The following SLF2 variants were observed in gnomAD, a reference collection of about 807,000 sequenced individuals.
The protein encoded by SLF2 is SMC5/6 complex localization factor 2.
Under a neutral mutation model 124.3 loss-of-function variants are expected in SLF2, and 68 were observed. The observed-to-expected ratio is 0.55, with a 90% confidence interval of 0.45 to 0.67. The LOEUF (loss-of-function observed/expected upper bound fraction) is 0.67, where lower values mean the gene tolerates loss of function less well. Ranked by LOEUF, SLF2 falls within the 30% of genes least tolerant of loss-of-function variation. The probability of loss-of-function intolerance (pLI) is 0.00; values close to 1 mark genes in which losing one functional copy is unlikely to be tolerated. For missense variants in SLF2, 1,246 were observed against 1,373.7 expected, an observed-to-expected ratio of 0.91 and a Z score of 1.47; for synonymous variants, 480 against 478.8, an observed-to-expected ratio of 1.00 and a Z score of -0.03.
chr10:100,938,014 C>G (rs947570956), intron 10 of SLF2, among the ~76,000 whole-genome samples: 1 of 152,180 alleles, frequency 6.6e-6, no homozygotes, highest in Non-Finnish European at 1.5e-5. Flanking sequence ...AGTGGAAACC[C>G]TCACTTACTG....
At chr10:100,947,951 C>A in intron 15 of SLF2, 104 bp downstream of exon 15, 1 of 743,004 alleles carries the variant, frequency 1.3e-6, no homozygotes. Flanking sequence ...CAGAGCTCAG[C>A]TCTTAAGCTT....
Position 100,961,816 on chromosome 10 carries a change from G to GTAA in SLF2, c.3487-61_3487-60insTAA. On this transcript the variant is annotated intron_variant, in intron 19 of 19. Coordinates refer to ENST00000238961, the MANE Select transcript of SLF2 (RefSeq NM_018121.4). ...GTCTGATGATTAGTAGTTTTATAAG[G>GTAA]ATTAATTCATAATATGATTAAATTT... 2.1e-6 allele frequency: 3 copies of GTAA among 1,436,108 alleles called. No homozygotes were observed. The South Asian group carries it at 3.8e-5, about 18-fold the overall frequency. The allele number at this position is 1,436,108 out of a possible 1,614,324, so 89.0% of individuals were successfully genotyped here.
intron 9 of SLF2, among the ~76,000 whole-genome samples, chr10:100,935,073 A>AT (rs1414242801): frequency 6.6e-6 from 1 of 152,048 alleles, no homozygotes; most frequent in Non-Finnish European, 1.5e-5. Context: ...TAAACTTGAG[A>AT]TTTTTGTTCC....
intron 17 of SLF2, among the ~76,000 whole-genome samples, chr10:100,953,885 C>T (rs1850273256): frequency 6.6e-6 from 1 of 151,926 alleles, no homozygotes; most frequent in Non-Finnish European, 1.5e-5. Flanking sequence ...CTCCTGACCT[C>T]AAGTGATCCA....
At chr10:100,933,276 G>C (rs942854877) in intron 9 of SLF2, among the ~76,000 whole-genome samples, 8 of 152,152 alleles carry the variant, frequency 5.3e-5, no homozygotes, top group African/African-American at 1.9e-4. Context: ...TGACATACAA[G>C]CATACCTTCA....
intron 12 of SLF2, 68 bp downstream of exon 12, chr10:100,944,196 T>TAAA: frequency 3.6e-6 from 3 of 839,420 alleles, no homozygotes; most frequent in Non-Finnish European, 5.1e-6. Flanking sequence ...TAATGGTTTT[T>TAAA]AAAAAAAAAA....
chr10:100,961,349 A>G lies in SLF2; in HGVS notation c.3487-528A>G, dbSNP rs1027055398. ...CTAGCAAGTTATCAGATTGATGCCAATGCTGCTGCTTCAGGGACTAAACTT... is the reference window on the plus strand; with the variant it reads ...CTAGCAAGTTATCAGATTGATGCCAGTGCTGCTGCTTCAGGGACTAAACTT... On this transcript the variant is annotated intron_variant, in intron 19 of 19. Coordinates refer to ENST00000238961, the MANE Select transcript of SLF2 (RefSeq NM_018121.4). 5.3e-5 allele frequency among the ~76,000 whole-genome samples: 8 copies of G among 152,180 alleles called. No homozygotes were observed. The East Asian group carries it at 9.6e-4, about 18-fold the overall frequency.
intron 4 of SLF2, among the ~76,000 whole-genome samples, chr10:100,921,625 C>T (rs1263069737): frequency 6.6e-6 from 1 of 152,212 alleles, no homozygotes; most frequent in African/African-American, 2.4e-5. Flanking sequence ...AATAAGCTGA[C>T]TTATCCTAAA....
In SLF2 at chr10:100,945,368, C is replaced by T; in HGVS notation, c.2796C>T (p.Tyr932=). 2 of 1,600,092 alleles carry T rather than the reference C, an allele frequency of 1.2e-6. No individual in the cohort carries two copies. The highest frequency in any genetic ancestry group is 1.7e-6 in the Non-Finnish European group (2 of 1,176,700). Reference sequence around the variant, plus strand: ...GTACATCTATACATCCAGAAGGTTACCAGGATCGTGAAATAATGTTGCTGA... The same window carrying T: ...GTACATCTATACATCCAGAAGGTTATCAGGATCGTGAAATAATGTTGCTGA... The part of the protein sequence containing the change: ...GLCTSIHPEG[Y]QDREIMLLIL... The change falls in exon 13 of 20, where the codon TAC becomes TAT. Residue 932 remains tyrosine, a synonymous_variant. Transcript: ENST00000238961.
In SLF2 at chr10:100,930,894, T is replaced by A. The variant is rs549619789; in HGVS notation, c.2334-82T>A. Reference sequence around the variant, plus strand: ...CAGTTTGCTTGCTCATTTCTCTGATTATGTCAGATGTGTTGGTGGTGATAG... The same window carrying A: ...CAGTTTGCTTGCTCATTTCTCTGATAATGTCAGATGTGTTGGTGGTGATAG... On this transcript the variant is annotated intron_variant, in intron 8 of 19. Transcript: ENST00000238961. The A allele has an allele frequency of 7.2e-5, 75 of 1,035,724 alleles. No individual in the cohort carries two copies. The South Asian group carries it at 1.0e-3, about 14-fold the overall frequency. 64.2% of individuals were successfully genotyped at this position (1,035,724 alleles called of 1,614,324 possible). A position where few individuals can be genotyped will look rare whatever the true frequency, so the allele number is the denominator to read the frequency against.
At chr10:100,938,798 T>C (rs956027962) in intron 11 of SLF2, 62 bp downstream of exon 11, 20 of 1,367,856 alleles carry the variant, frequency 1.5e-5, no homozygotes, top group Admixed American at 2.6e-5. Context: ...TATATAATTA[T>C]AGCTAAAGTT....
At position 100,947,150 on chromosome 10, in the gene SLF2, A is replaced by C; in HGVS notation, c.3032+14A>C. On this transcript the variant is annotated intron_variant, in intron 14 of 19. Transcript: ENST00000238961. The stretch of plus-strand genomic sequence containing the variant: ...ATCACGTGGAAGGTATTAAAAAGTG[A>C]AAATTAAACATTAAGAAATTTTATA... The C allele has an allele frequency of 2.1e-6, 3 of 1,443,298 alleles. 1 individual carries two copies. The South Asian group carries it at 4.0e-5, about 19-fold the overall frequency. The allele number at this position is 1,443,298 out of a possible 1,614,324, so 89.4% of individuals were successfully genotyped here. A position where few individuals can be genotyped will look rare whatever the true frequency, so the allele number is the denominator to read the frequency against.
At chr10:100,953,849 A>T (rs1364066315) in intron 17 of SLF2, among the ~76,000 whole-genome samples, 2 of 151,930 alleles carry the variant, frequency 1.3e-5, no homozygotes, top group Admixed American at 6.6e-5. Context: ...ACGGGGTTTC[A>T]TCATGTTGGC....
rs777126984 is a variant in SLF2 at position 100,923,998 on chromosome 10, C to T, written c.997C>T (p.Pro333Ser). 1 of 1,549,524 alleles carries T rather than the reference C, an allele frequency of 6.5e-7. No homozygotes were observed. The highest frequency in any genetic ancestry group is 8.7e-7 in the Non-Finnish European group (1 of 1,155,040). ...TSAGSKQNKF[P>S]EKRKRNSVDS... Reference sequence around the variant, plus strand: ...AGCAGGCTCTAAGCAGAATAAATTCCCTGAAAAAAGAAAAAGGAACTCTGT... The same window carrying T: ...AGCAGGCTCTAAGCAGAATAAATTCTCTGAAAAAAGAAAAAGGAACTCTGT... Residue 333 changes from proline to serine, a missense_variant, in exon 5 of 20, where the codon CCT becomes TCT. By Grantham distance (74) the Pro-to-Ser change is moderately conservative. This residue lies in a region of SLF2 where 698 missense variants were observed against 708.9 expected (regional missense o/e 0.98). Coordinates refer to ENST00000238961, the MANE Select transcript of SLF2 (RefSeq NM_018121.4).
chr10:100,948,679 A>C (rs1358171215), intron 15 of SLF2, among the ~76,000 whole-genome samples: 1 of 152,056 alleles, frequency 6.6e-6, no homozygotes, highest in African/African-American at 2.4e-5. Context: ...TCAGGAGATC[A>C]AGACCATCCT....
At position 100,924,540 on chromosome 10, in the gene SLF2, G is replaced by T; in HGVS notation, c.1539G>T (p.Gly513=). 7.4e-6 allele frequency: 12 copies of T among 1,614,048 alleles called. No homozygotes were observed. The highest frequency in any genetic ancestry group is 9.3e-6 in the Non-Finnish European group (11 of 1,180,010). Residue 513 remains glycine, a synonymous_variant, in exon 5 of 20, where the codon GGG becomes GGT. Transcript: ENST00000238961. ...GTTCCTCATCTAAAGAATGTTCTGG[G>T]CATTCTACAGAATCCACCAAACACA... ...KERSSSKECS[G]HSTESTKHKE...
At position 100,917,282 on chromosome 10, in the gene SLF2, AAAT is replaced by A. The variant is rs1471489477; in HGVS notation, c.901_903del (p.Asn301del). 6.2e-7 allele frequency: 1 copy of A among 1,610,224 alleles called. No homozygotes were observed. The highest frequency in any genetic ancestry group is 1.1e-5 in the South Asian group (1 of 90,588). On this transcript the variant is annotated inframe_deletion, in exon 3 of 20. Coordinates refer to ENST00000238961, the MANE Select transcript of SLF2 (RefSeq NM_018121.4). The stretch of plus-strand genomic sequence containing the variant: ...AACAGAATGACATCATACCTGGAAA[AAAT>A]AATCTGTCAAATGTGGTATGTGTAA...
chr10:100,954,708 A>T (rs1438795957), intron 17 of SLF2, among the ~76,000 whole-genome samples: 2 of 152,158 alleles, frequency 1.3e-5, no homozygotes, highest in African/African-American at 4.8e-5. Context: ...TTGGGGAAGC[A>T]GAGACAGGAG....
At position 100,950,097 on chromosome 10, in the gene SLF2, C is replaced by T; in HGVS notation, c.3142C>T (p.Leu1048Phe). Residue 1048 changes from leucine to phenylalanine, a missense_variant, in exon 16 of 20, where the codon CTT becomes TTT. Physicochemically the swap from Leu to Phe is conservative, Grantham distance 22. Around this residue, in one of 3 missense-constraint regions of SLF2, gnomAD observed 535 missense variants for 632.8 expected, o/e 0.85. Coordinates refer to ENST00000238961, the MANE Select transcript of SLF2 (RefSeq NM_018121.4). ...ATAGGTATCAGTCCTACATCGCTATCTTGTGCAGATGAAGCCTTCTGATTT... is the reference window on the plus strand; with the variant it reads ...ATAGGTATCAGTCCTACATCGCTATTTTGTGCAGATGAAGCCTTCTGATTT... ...NLQVSVLHRY[L>F]VQMKPSDLLK... 1.2e-6 allele frequency: 2 copies of T among 1,613,224 alleles called. No individual in the cohort carries two copies. Among genetic ancestry groups the T allele is most frequent in the Non-Finnish European group, 1.7e-6 (2 of 1,179,590 alleles).
Sources: gnomAD v4.1 joint callset for allele counts (sites outside exome capture counted in the v4.1 genomes callset) on GRCh38, gnomAD v4.1.1 for gene constraint, gnomAD v4.1.1 regional missense constraint, MANE v1.5 for transcripts, NCBI Gene and HGNC (gene_info 2026-07-23, HGNC 2026-07-21) for gene names.